Variants in CHCHD3 observed in about 807,000 individuals in gnomAD.
The protein encoded by CHCHD3 is MICOS complex subunit MIC19.
In CHCHD3, 20 loss-of-function variants were observed where a neutral mutation model predicts 38.2. The ratio of observed to expected loss-of-function variants is 0.52; its 90% CI spans 0.37 to 0.76. CHCHD3 has a LOEUF of 0.76. Ranked by LOEUF, CHCHD3 falls within the 30% of genes least tolerant of loss-of-function variation. The pLI, the probability that CHCHD3 is intolerant of heterozygous loss-of-function variation, is 0.00. For synonymous variants in CHCHD3, 82 were observed against 100.0 expected (o/e 0.82, Z 1.07); for missense variants, 245 against 279.2 (o/e 0.88, Z 0.87).
intron 2 of CHCHD3, among the ~76,000 whole-genome samples, chr7:133,033,065 T>C (rs990898838): frequency 6.6e-6 from 1 of 152,104 alleles, no homozygotes; most frequent in Non-Finnish European, 1.5e-5. Context: ...TAATTTATAA[T>C]AAAATAATGG....
intron 2 of CHCHD3, among the ~76,000 whole-genome samples, chr7:133,063,682 A>C (rs574844879): frequency 6.6e-6 from 1 of 152,208 alleles, no homozygotes; most frequent in African/African-American, 2.4e-5. Context: ...GAAAACCAGC[A>C]CTATATCTTT....
chr7:132,934,230 A>G (rs568681239), intron 4 of CHCHD3, among the ~76,000 whole-genome samples: 3 of 152,312 alleles, frequency 2.0e-5, no homozygotes, highest in African/African-American at 4.8e-5. Context: ...CCCACTTGTG[A>G]TAAGTTTCCA....
intron 5 of CHCHD3, among the ~76,000 whole-genome samples, chr7:132,877,249 A>C (rs1808935840): frequency 6.6e-6 from 1 of 152,192 alleles, no homozygotes; most frequent in Non-Finnish European, 1.5e-5. Flanking sequence ...TTCCCATTCG[A>C]AATTTCAGAG....
In CHCHD3 at chr7:132,885,738, T is replaced by C; in HGVS notation, c.377A>G (p.Gln126Arg). 1 of 1,607,398 alleles carries C rather than the reference T, an allele frequency of 6.2e-7. No individual in the cohort carries two copies. The highest frequency in any genetic ancestry group is 1.9e-4 in the Middle Eastern group (1 of 5,374). ...ERAKAKHLAR[Q>R]LEEKDRVLKK... is the part of the protein sequence containing the mutation. ...TAGCACTCGGTCTTTCTCTTCCAGC[T>C]GCCTAGCCTAAAAAAAGAAATGAGG... The change falls in exon 5 of 8, where the codon CAG becomes CGG. Residue 126 changes from glutamine to arginine, a missense_variant. By Grantham distance (43) the Gln-to-Arg change is conservative. Transcript: ENST00000262570.
At chr7:133,066,256 CTTT>C (rs11451085) in intron 2 of CHCHD3, among the ~76,000 whole-genome samples, 9 of 142,884 alleles carry the variant, frequency 6.3e-5, no homozygotes, top group Non-Finnish European at 6.1e-5. Context: ...AGATGGCATA[CTTT>C]TTTTTTTTTT....
intron 2 of CHCHD3, among the ~76,000 whole-genome samples, chr7:133,059,334 TA>T (rs1294398228): frequency 6.6e-6 from 1 of 152,062 alleles, no homozygotes; most frequent in Non-Finnish European, 1.5e-5. Context: ...CTAGACACCC[TA>T]ACCAAACCTC....
chr7:132,950,925 A>G (rs946558624), intron 4 of CHCHD3, among the ~76,000 whole-genome samples: 1 of 152,218 alleles, frequency 6.6e-6, no homozygotes, highest in African/African-American at 2.4e-5. Context: ...AGGTATGCTA[A>G]TGACTCTGAA....
chr7:132,839,504 G>A (rs1807884069), intron 5 of CHCHD3, among the ~76,000 whole-genome samples: 2 of 152,088 alleles, frequency 1.3e-5, no homozygotes, highest in African/African-American at 2.4e-5. Flanking sequence ...GAAATATCCT[G>A]CAAAATGCAC....
intron 3 of CHCHD3, among the ~76,000 whole-genome samples, chr7:133,005,116 A>G (rs1019785381): frequency 6.6e-6 from 1 of 152,158 alleles, no homozygotes; most frequent in African/African-American, 2.4e-5. Flanking sequence ...ACTGAGCTTA[A>G]AGAAACTGTG....
At chr7:133,073,048 G>A (rs1357253726) in intron 1 of CHCHD3, among the ~76,000 whole-genome samples, 1 of 151,870 alleles carries the variant, frequency 6.6e-6, no homozygotes, top group Non-Finnish European at 1.5e-5. Flanking sequence ...AACATTCTCT[G>A]GTAGAAGTCA....
intron 4 of CHCHD3, among the ~76,000 whole-genome samples, chr7:132,931,115 C>G (rs1378421971): frequency 6.6e-6 from 1 of 152,182 alleles, no homozygotes; most frequent in Non-Finnish European, 1.5e-5. Flanking sequence ...AGTGGAGTAA[C>G]AAGAGTGACA....
chr7:133,062,722 A>T (rs1220891093), intron 2 of CHCHD3, among the ~76,000 whole-genome samples: 1 of 152,168 alleles, frequency 6.6e-6, no homozygotes, highest in Admixed American at 6.5e-5. Flanking sequence ...ACTCCACGAC[A>T]TTACTATATT....
chr7:132,879,025 T>A (rs992237065), intron 5 of CHCHD3, among the ~76,000 whole-genome samples: 14 of 152,124 alleles, frequency 9.2e-5, no homozygotes, highest in African/African-American at 2.9e-4. Context: ...TGGGAAAGAA[T>A]TTTGAAGGAT....
At chr7:133,074,602 T>G (rs1462620686) in intron 1 of CHCHD3, among the ~76,000 whole-genome samples, 1 of 152,104 alleles carries the variant, frequency 6.6e-6, no homozygotes, top group Non-Finnish European at 1.5e-5. Flanking sequence ...AATTCCCCAA[T>G]CTCTAGTCCA....
intron 2 of CHCHD3, among the ~76,000 whole-genome samples, chr7:133,028,548 T>C (rs1813409165): frequency 1.3e-5 from 2 of 152,074 alleles, no homozygotes; most frequent in South Asian, 2.1e-4. Flanking sequence ...GGTTAATCCA[T>C]GCATGGATTA....
At chr7:132,951,369 T>G (rs913100950) in intron 4 of CHCHD3, among the ~76,000 whole-genome samples, 1 of 152,146 alleles carries the variant, frequency 6.6e-6, no homozygotes, top group Non-Finnish European at 1.5e-5. Flanking sequence ...AAAGAAGCAA[T>G]AGAAACACAT....
intron 1 of CHCHD3, among the ~76,000 whole-genome samples, chr7:133,077,528 T>C (rs1815037949): frequency 6.6e-6 from 1 of 152,232 alleles, no homozygotes; most frequent in African/African-American, 2.4e-5. Flanking sequence ...GAAAGCATGA[T>C]AAATATATCT....
intron 6 of CHCHD3, among the ~76,000 whole-genome samples, chr7:132,805,717 G>C (rs1278378237): frequency 6.6e-6 from 1 of 152,164 alleles, no homozygotes; most frequent in Non-Finnish European, 1.5e-5. Context: ...GAGGTCAGTG[G>C]AGCAGCACCC....
intron 6 of CHCHD3, among the ~76,000 whole-genome samples, chr7:132,836,710 A>G (rs1211346584): frequency 6.6e-6 from 1 of 152,008 alleles, no homozygotes; most frequent in African/African-American, 2.4e-5. Context: ...TCAGGCCTCA[A>G]GCGATCCTCC....
Sources: gnomAD v4.1 joint callset for allele counts (sites outside exome capture counted in the v4.1 genomes callset) on GRCh38, gnomAD v4.1.1 for gene constraint, MANE v1.5 for transcripts, NCBI Gene and HGNC (gene_info 2026-07-23, HGNC 2026-07-21) for gene names.